Variants in DCX observed in about 807,000 individuals in gnomAD.
DCX encodes the protein doublecortin, also known as neuronal migration protein doublecortin.
Under a neutral mutation model 20.9 loss-of-function variants are expected in DCX, and 4 were observed. That is an observed-to-expected ratio of 0.19 (90% CI 0.09 to 0.44). The LOEUF (loss-of-function observed/expected upper bound fraction) is 0.44. DCX is among the 20% of genes least tolerant of loss of function. DCX has a pLI of 0.99. For missense variants in DCX, 133 were observed against 296.9 expected (o/e 0.45, Z 4.06); for synonymous variants, 103 against 111.4 (o/e 0.92, Z 0.47).
At chrX:111,353,526 A>T (rs1018172169) in intron 3 of DCX, among the ~76,000 whole-genome samples, 2 of 111,920 alleles carry the variant, frequency 1.8e-5, no homozygotes, top group East Asian at 5.6e-4. Flanking sequence ...AAAAAAAGAT[A>T]GAGAGAAATC....
intron 3 of DCX, among the ~76,000 whole-genome samples, chrX:111,387,697 G>C (rs1255234618): frequency 8.9e-6 from 1 of 111,814 alleles, no homozygotes; most frequent in Admixed American, 9.5e-5. Flanking sequence ...GAAATGTTCT[G>C]ACATATAAAT....
intron 6 of DCX, among the ~76,000 whole-genome samples, chrX:111,312,310 C>A (rs1430645055): frequency 8.9e-6 from 1 of 112,045 alleles, no homozygotes; most frequent in Non-Finnish European, 1.9e-5. Flanking sequence ...TGAACACCCC[C>A]TTTGCTATGT....
intron 6 of DCX, among the ~76,000 whole-genome samples, chrX:111,308,520 C>A (rs1230366996): frequency 9.0e-6 from 1 of 110,784 alleles, no homozygotes; most frequent in Non-Finnish European, 1.9e-5. Flanking sequence ...TCTTTCCCAC[C>A]CTCCTTTGTG....
At chrX:111,319,893 A>C (rs899660924) in intron 5 of DCX, among the ~76,000 whole-genome samples, 3 of 112,172 alleles carry the variant, frequency 2.7e-5, no homozygotes, top group Non-Finnish European at 3.8e-5. Flanking sequence ...TAGCCTCTCT[A>C]TATATTCTCT....
intron 3 of DCX, among the ~76,000 whole-genome samples, chrX:111,339,221 C>T (rs1922006892): frequency 9.0e-6 from 1 of 111,616 alleles, no homozygotes; most frequent in Non-Finnish European, 1.9e-5. Context: ...CAAGGCTTTA[C>T]ACACTGCTAT....
At chrX:111,339,650 T>G (rs1441145098) in intron 3 of DCX, among the ~76,000 whole-genome samples, 6 of 112,186 alleles carry the variant, frequency 5.3e-5, no homozygotes, top group Non-Finnish European at 7.5e-5. Context: ...TACTGAATAC[T>G]CACACATTGA....
At chrX:111,404,865 C>T (rs187993596) in intron 2 of DCX, among the ~76,000 whole-genome samples, 1 of 112,612 alleles carries the variant, frequency 8.9e-6, no homozygotes, top group East Asian at 2.8e-4. Context: ...GAGCTCAGTG[C>T]CTCCTGCACT....
At chrX:111,401,430 A>C (rs1046516738) in intron 2 of DCX, 100 bp from the exon 3 acceptor site, 5 of 797,674 alleles carry the variant, frequency 6.3e-6, no homozygotes, top group Non-Finnish European at 7.4e-6. Context: ...AGAACTTTTC[A>C]ATAAATGGTG....
chrX:111,363,954 A>G (rs185921451), intron 3 of DCX, among the ~76,000 whole-genome samples: 2 of 112,075 alleles, frequency 1.8e-5, no homozygotes, highest in African/African-American at 6.5e-5. Flanking sequence ...GCCTTACTAC[A>G]TATCAGGTTT....
At chrX:111,363,174 C>T (rs1924346108) in intron 3 of DCX, among the ~76,000 whole-genome samples, 1 of 111,008 alleles carries the variant, frequency 9.0e-6, no homozygotes, top group Non-Finnish European at 1.9e-5. Flanking sequence ...AAGAGCCTAA[C>T]CTGCCTAAAC....
At chrX:111,344,291 G>T (rs1040688923) in intron 3 of DCX, among the ~76,000 whole-genome samples, 3 of 111,836 alleles carry the variant, frequency 2.7e-5, no homozygotes, top group African/African-American at 9.8e-5. Context: ...CAAATTAAAT[G>T]GGCAAAAGCT....
At chrX:111,351,845 C>T (rs780196385) in intron 3 of DCX, among the ~76,000 whole-genome samples, 31 of 112,104 alleles carry the variant, frequency 2.8e-4, no homozygotes, top group Non-Finnish European at 5.4e-4. Flanking sequence ...CCACTTCAGC[C>T]TCCTGTGTAG....
chrX:111,313,106 G>C (rs1038159356), intron 5 of DCX, among the ~76,000 whole-genome samples: 3 of 111,137 alleles, frequency 2.7e-5, no homozygotes, highest in Admixed American at 9.6e-5. Flanking sequence ...GAGGACAAAA[G>C]TGAGGCACAG....
intron 3 of DCX, among the ~76,000 whole-genome samples, chrX:111,348,142 C>A (rs187482472): frequency 5.4e-5 from 6 of 111,863 alleles, no homozygotes; most frequent in African/African-American, 2.0e-4. Flanking sequence ...AATGACAGAG[C>A]TGATACTAGA....
intron 3 of DCX, among the ~76,000 whole-genome samples, chrX:111,352,837 CAGAGAGAGAGAGAG>C (rs768081351): frequency 4.4e-5 from 4 of 90,145 alleles, no homozygotes; most frequent in South Asian, 5.6e-4. Context: ...GACAGACAGA[CAGAGAGAGAGAGAG>C]AGAGAGAGAG....
At position 111,294,178 on chromosome X, in the gene DCX, A is replaced by G; in HGVS notation, c.*7509T>C. The G allele has an allele frequency of 1.8e-5, 2 of 111,876 alleles. No homozygotes were observed. Among genetic ancestry groups the G allele is most frequent in the Middle Eastern group, 9.2e-3 (2 of 218 alleles). The allele number at this position is 111,876 out of a possible 1,213,427, so 9.2% of individuals were successfully genotyped here. A position where few individuals can be genotyped will look rare whatever the true frequency, so the allele number is the denominator to read the frequency against. ...CTTGAAATACTGCTTTTGAATCACA[A>G]TTTCAGAGTAGGTTAGGTATTGCCT... On this transcript the variant is annotated 3_prime_UTR_variant, in exon 7 of 7. Transcript: ENST00000636035.
chrX:111,316,506 A>T (rs937827340), intron 5 of DCX, among the ~76,000 whole-genome samples: 2 of 111,615 alleles, frequency 1.8e-5, no homozygotes, highest in African/African-American at 6.5e-5. Flanking sequence ...CTGCAGTTAC[A>T]GGCATGAGCC....
In DCX at chrX:111,402,111, C is replaced by T. The variant is rs758877582; in HGVS notation, c.365-781G>A. On this transcript the variant is annotated intron_variant, in intron 2 of 6. Coordinates refer to ENST00000636035, the MANE Select transcript of DCX (RefSeq NM_001195553.2). ...CATCTTTCCATCCTCTCAAAGGATG[C>T]ACATAAGATCTGTGTATTCAGGGTC... Among the ~76,000 whole-genome samples, 8 of 112,086 alleles carry T rather than the reference C, an allele frequency of 7.1e-5. No homozygotes were observed. In the South Asian group the frequency reaches 2.6e-3, roughly 37 times the overall value.
chrX:111,346,633 G>A (rs891530925), intron 3 of DCX, among the ~76,000 whole-genome samples: 1 of 111,982 alleles, frequency 8.9e-6, no homozygotes, highest in African/African-American at 3.2e-5. Flanking sequence ...ACTAGATACT[G>A]ATCGAACGAT....
Sources: allele counts gnomAD v4.1 joint callset (sites outside exome capture counted in the v4.1 genomes callset), GRCh38; gene constraint gnomAD v4.1.1; transcripts MANE v1.5; gene names NCBI Gene and HGNC (gene_info 2026-07-23, HGNC 2026-07-21).